The following WWP2 variants were observed in gnomAD, a reference collection of about 807,000 sequenced individuals.
The protein encoded by WWP2 is NEDD4-like E3 ubiquitin-protein ligase WWP2.
Under a neutral mutation model 121.0 loss-of-function variants are expected in WWP2, and 57 were observed. That is an observed-to-expected ratio of 0.47 (90% confidence interval 0.38 to 0.59). The LOEUF is 0.59. Among genes scored for constraint, WWP2 ranks in the 20% least tolerant of loss-of-function variants. The pLI, the probability that WWP2 is intolerant of heterozygous loss-of-function variation, is 0.00. For missense variants in WWP2, 962 were observed against 1,158.9 expected (o/e 0.83, Z 2.47); for synonymous variants, 449 against 441.3 (o/e 1.02, Z -0.22).
intron 7 of WWP2, among the ~76,000 whole-genome samples, chr16:69,880,141 A>G (rs1321157694): frequency 1.3e-5 from 2 of 150,870 alleles, no homozygotes; most frequent in Admixed American, 6.6e-5. Flanking sequence ...ATATAACTAT[A>G]AATATGTATT....
chr16:69,891,195 C>T (rs2058020683), intron 8 of WWP2, among the ~76,000 whole-genome samples: 1 of 152,128 alleles, frequency 6.6e-6, no homozygotes, highest in South Asian at 2.1e-4. Flanking sequence ...TTTCTGCCAG[C>T]GATCCTTCCA....
At chr16:69,926,819 G>A (rs963438997) in intron 11 of WWP2, among the ~76,000 whole-genome samples, 29 of 152,202 alleles carry the variant, frequency 1.9e-4, no homozygotes, top group African/African-American at 6.8e-4. Flanking sequence ...TGAAGACCCT[G>A]CGTCGTCAGT....
At chr16:69,804,639 G>A (rs1014972554) in intron 4 of WWP2, among the ~76,000 whole-genome samples, 1 of 151,678 alleles carries the variant, frequency 6.6e-6, no homozygotes, top group Non-Finnish European at 1.5e-5. Flanking sequence ...AAGTCTTCAT[G>A]CTTCTTTTCT....
At chr16:69,823,558 C>T (rs562858640) in intron 4 of WWP2, among the ~76,000 whole-genome samples, 1 of 151,554 alleles carries the variant, frequency 6.6e-6, no homozygotes, top group Middle Eastern at 3.4e-3. Flanking sequence ...AGCCTGTGCT[C>T]CTGGGTTCAA....
chr16:69,914,709 T>TCATG (rs1321466316), intron 9 of WWP2, among the ~76,000 whole-genome samples: 1 of 152,128 alleles, frequency 6.6e-6, no homozygotes, highest in Non-Finnish European at 1.5e-5. Flanking sequence ...TGAGCCATGA[T>TCATG]CATGCCACTG....
intron 2 of WWP2, among the ~76,000 whole-genome samples, chr16:69,791,712 G>A (rs2055915236): frequency 6.6e-6 from 1 of 152,004 alleles, no homozygotes; most frequent in South Asian, 2.1e-4. Flanking sequence ...ATAGAGATAG[G>A]TCTTGCTGTG....
In WWP2 at chr16:69,814,158, C is replaced by CGTTT. The variant is rs564049025; in HGVS notation, c.340+14880_340+14883dup. 4.1e-4 allele frequency among the ~76,000 whole-genome samples: 63 copies of CGTTT among 152,046 alleles called. 1 individual carries two copies. In the East Asian group the frequency reaches 9.9e-3, roughly 24 times the overall value. ...GTACCTTGCATACCAAATGTGGGGTCGTTTGTTTGTTTGTTTGTTTTTGAC... is the reference window on the plus strand; with the variant it reads ...GTACCTTGCATACCAAATGTGGGGTCGTTTGTTTGTTTGTTTGTTTGTTTTTGAC... On this transcript the variant is annotated intron_variant, in intron 4 of 23. Coordinates refer to ENST00000359154, the MANE Select transcript of WWP2 (RefSeq NM_001270454.2).
At position 69,940,578 on chromosome 16, in the gene WWP2, A is replaced by C. The variant is rs904745172; in HGVS notation, c.*638A>C. On this transcript the variant is annotated 3_prime_UTR_variant, in exon 24 of 24. Coordinates refer to ENST00000359154, the MANE Select transcript of WWP2 (RefSeq NM_001270454.2). Reference sequence around the variant, plus strand: ...GTTTGTCTAAGCTGCCTGGGTATCCACGGGACAAAAACAGCAAACTCCCTC... The same window carrying C: ...GTTTGTCTAAGCTGCCTGGGTATCCCCGGGACAAAAACAGCAAACTCCCTC... 1.3e-5 allele frequency: 2 copies of C among 152,484 alleles called. No homozygotes were observed. The highest frequency in any genetic ancestry group is 4.8e-5 in the African/African-American group (2 of 41,456). 9.4% of individuals were successfully genotyped at this position (152,484 alleles called of 1,614,324 possible).
intron 1 of WWP2, chr16:69,783,260 T>A (rs2055704018): frequency 1.3e-5 from 2 of 152,182 alleles, no homozygotes; most frequent in South Asian, 2.1e-4. Flanking sequence ...TCTGCCTGCG[T>A]TGGCCTCCCA....
chr16:69,906,118 A>G (rs554523167), intron 8 of WWP2, among the ~76,000 whole-genome samples: 33 of 149,480 alleles, frequency 2.2e-4, no homozygotes, highest in Admixed American at 1.3e-3. Context: ...TGTCGCCCAG[A>G]CTGGAGTGCA....
In WWP2 at chr16:69,930,200, G is replaced by A. The variant is rs2151989363; in HGVS notation, c.1387G>A (p.Val463Met). The change falls in exon 13 of 24, where the codon GTG becomes ATG. Residue 463 changes from valine to methionine, a missense_variant. Around this residue, in one of 3 missense-constraint regions of WWP2, gnomAD observed 606 missense variants for 772.6 expected, o/e 0.78. Transcript: ENST00000359154. ...CACCAGCGAGGGGGTGCGATACTTT[G>A]TGGACCACAATACCCGCACCACCAC... ...KYTSEGVRYF[V>M]DHNTRTTTFK... The A allele has an allele frequency of 1.9e-6, 3 of 1,614,084 alleles. No homozygotes were observed. The highest frequency in any genetic ancestry group is 2.5e-6 in the Non-Finnish European group (3 of 1,179,994).
chr16:69,920,304 C>T (rs904319884), intron 10 of WWP2, among the ~76,000 whole-genome samples: 11 of 152,210 alleles, frequency 7.2e-5, no homozygotes, highest in Non-Finnish European at 1.3e-4. Context: ...CAGGGCCCCG[C>T]TGTCTAGCCC....
chr16:69,798,872 A>G, intron 3 of WWP2, 43 bp downstream of exon 3: 1 of 1,607,248 alleles, frequency 6.2e-7, no homozygotes, highest in Non-Finnish European at 8.5e-7. Flanking sequence ...AAGATGGGGA[A>G]AGAGAGAGGG....
chr16:69,829,627 C>G (rs2056759998), intron 4 of WWP2, among the ~76,000 whole-genome samples: 1 of 152,184 alleles, frequency 6.6e-6, no homozygotes, highest in South Asian at 2.1e-4. Context: ...TTATCAGTTT[C>G]TCAAGAAACT....
intron 8 of WWP2, among the ~76,000 whole-genome samples, chr16:69,900,224 T>C (rs1300704653): frequency 1.3e-5 from 2 of 152,244 alleles, no homozygotes; most frequent in Non-Finnish European, 2.9e-5. Context: ...TAAAGGTTTT[T>C]TGGCCAAATT....
At chr16:69,932,196 G>A (rs897588856) in intron 16 of WWP2, among the ~76,000 whole-genome samples, 9 of 152,254 alleles carry the variant, frequency 5.9e-5, no homozygotes, top group African/African-American at 1.7e-4. Flanking sequence ...GGGCGTGGTG[G>A]TGCATGCCTG....
At chr16:69,933,072 C>T (rs1401368429) in intron 16 of WWP2, 1 of 500,140 alleles carries the variant, frequency 2.0e-6, no homozygotes, top group Non-Finnish European at 4.2e-6. Context: ...GGTGTGGCCG[C>T]GCCCTGTGTG....
At chr16:69,775,775 C>T (rs72783174) in intron 1 of WWP2, among the ~76,000 whole-genome samples, 7,847 of 152,134 alleles carry the variant, frequency 0.052, 266 homozygotes, top group Middle Eastern at 0.11. Context: ...TCTTCCTTAC[C>T]CCTCCCTAGT....
At chr16:69,931,916 G>T (rs747156634) in intron 16 of WWP2, 26 bp downstream of exon 16, 3 of 1,600,136 alleles carry the variant, frequency 1.9e-6, no homozygotes, top group African/African-American at 2.7e-5. Flanking sequence ...CCGGAAGGCT[G>T]CCCTGTACCC....
Sources: allele counts gnomAD v4.1 joint callset (sites outside exome capture counted in the v4.1 genomes callset), GRCh38; gene constraint gnomAD v4.1.1; regional missense constraint gnomAD v4.1.1; transcripts MANE v1.5; gene names NCBI Gene and HGNC (gene_info 2026-07-23, HGNC 2026-07-21).